EXOC4: variants seen among roughly 807,000 people sequenced by gnomAD.
EXOC4 encodes SEC8-like 1.
A neutral mutation model predicts 107.2 loss-of-function variants in EXOC4; 71 were observed. The observed-to-expected ratio is 0.66, with a 90% confidence interval of 0.55 to 0.81. The LOEUF is 0.81. Ranked by LOEUF, EXOC4 falls within the 30% of genes least tolerant of loss-of-function variation. The pLI, the probability that EXOC4 is intolerant of heterozygous loss-of-function variation, is 0.00. For missense variants in EXOC4, 1,108 were observed against 1,189.6 expected (o/e 0.93, Z 1.01); for synonymous variants, 456 against 441.2 (o/e 1.03, Z -0.42).
At chr7:133,914,659 C>T (rs1050604199) in intron 12 of EXOC4, among the ~76,000 whole-genome samples, 1 of 151,942 alleles carries the variant, frequency 6.6e-6, no homozygotes, top group African/African-American at 2.4e-5. Flanking sequence ...AAAAAAATTA[C>T]AAACCTATTT....
chr7:134,027,793 C>T (rs750025668), intron 17 of EXOC4, among the ~76,000 whole-genome samples: 5 of 152,194 alleles, frequency 3.3e-5, no homozygotes, highest in South Asian at 2.1e-4. Flanking sequence ...ATCACTAGAT[C>T]GTACTGTCAG....
chr7:133,826,385 G>C (rs898245291), intron 11 of EXOC4, among the ~76,000 whole-genome samples: 1 of 152,100 alleles, frequency 6.6e-6, no homozygotes, highest in African/African-American at 2.4e-5. Flanking sequence ...TGGTGAGGTG[G>C]GAAATGCATA....
At chr7:133,279,552 T>G (rs887837662) in intron 2 of EXOC4, among the ~76,000 whole-genome samples, 4 of 152,200 alleles carry the variant, frequency 2.6e-5, no homozygotes, top group African/African-American at 9.6e-5. Context: ...AGGGTCTCTC[T>G]CCATCACCCG....
chr7:133,807,655 A>T (rs1797111069), intron 10 of EXOC4, among the ~76,000 whole-genome samples: 1 of 152,252 alleles, frequency 6.6e-6, no homozygotes, highest in African/African-American at 2.4e-5. Context: ...GGATAAAACC[A>T]GAATTCCAGA....
At chr7:133,931,504 T>C (rs1039319025) in intron 13 of EXOC4, among the ~76,000 whole-genome samples, 2 of 152,276 alleles carry the variant, frequency 1.3e-5, no homozygotes, top group Non-Finnish European at 2.9e-5. Context: ...ATTTAAAATA[T>C]AGAATATATT....
At chr7:133,296,911 G>A (rs1293397202) in intron 3 of EXOC4, among the ~76,000 whole-genome samples, 1 of 152,108 alleles carries the variant, frequency 6.6e-6, no homozygotes, top group East Asian at 1.9e-4. Flanking sequence ...GTCTCTAGGG[G>A]TGGGCCACTG....
intron 5 of EXOC4, among the ~76,000 whole-genome samples, chr7:133,336,556 G>T (rs1795518071): frequency 1.3e-5 from 2 of 151,964 alleles, no homozygotes; most frequent in Non-Finnish European, 2.9e-5. Flanking sequence ...AATGTTATCA[G>T]TGTTGTTTAA....
chr7:133,597,578 C>CCAAAAAAAAACCCA (rs1554476919), intron 9 of EXOC4, among the ~76,000 whole-genome samples: 10 of 128,494 alleles, frequency 7.8e-5, no homozygotes, highest in African/African-American at 2.8e-4. Flanking sequence ...AAAAAAAACC[C>CCAAAAAAAAACCCA]AAAAAAAAAA....
At chr7:134,098,931 C>G in the EXOC4 span, among the ~76,000 whole-genome samples, 4 of 152,016 alleles carry the variant, frequency 2.6e-5, no homozygotes, top group Non-Finnish European at 4.4e-5. Flanking sequence ...CAGAGGCATT[C>G]AAGGAGGGAT....
intron 17 of EXOC4, among the ~76,000 whole-genome samples, chr7:134,018,128 C>T (rs1794951788): frequency 6.6e-6 from 1 of 152,166 alleles, no homozygotes; most frequent in African/African-American, 2.4e-5. Context: ...CCCAGGGAGG[C>T]TATTTTTCTG....
chr7:133,656,684 A>G (rs1803308018), intron 10 of EXOC4, among the ~76,000 whole-genome samples: 1 of 152,180 alleles, frequency 6.6e-6, no homozygotes, highest in African/African-American at 2.4e-5. Flanking sequence ...AGCAGAAAAT[A>G]TTTCCAGAAA....
At chr7:133,928,142 G>A (rs1800093043) in intron 13 of EXOC4, among the ~76,000 whole-genome samples, 1 of 151,964 alleles carries the variant, frequency 6.6e-6, no homozygotes, top group East Asian at 1.9e-4. Flanking sequence ...CCATTAAGGT[G>A]GACATTTAAT....
At chr7:133,690,572 A>G (rs1170256368) in intron 10 of EXOC4, among the ~76,000 whole-genome samples, 2 of 152,178 alleles carry the variant, frequency 1.3e-5, no homozygotes, top group Non-Finnish European at 1.5e-5. Flanking sequence ...GCTTCATCTC[A>G]ACAGATTTGT....
intron 13 of EXOC4, among the ~76,000 whole-genome samples, chr7:133,934,535 CG>C (rs1195748992): frequency 2.0e-5 from 3 of 152,158 alleles, no homozygotes; most frequent in African/African-American, 7.2e-5. Context: ...TGGCAGCACA[CG>C]GCAGACATGC....
chr7:133,260,320 C>T (rs1205941150), intron 1 of EXOC4, among the ~76,000 whole-genome samples: 1 of 150,768 alleles, frequency 6.6e-6, no homozygotes, highest in Non-Finnish European at 1.5e-5. Context: ...GTCGCCCATG[C>T]TGGAGTGCAA....
intron 7 of EXOC4, among the ~76,000 whole-genome samples, chr7:133,378,402 G>T (rs1262688980): frequency 6.6e-6 from 1 of 150,806 alleles, no homozygotes; most frequent in African/African-American, 2.4e-5. Flanking sequence ...GGCCAGAAAT[G>T]GTGAATATGT....
At chr7:133,883,467 T>TC (rs1304662611) in intron 11 of EXOC4, among the ~76,000 whole-genome samples, 2 of 144,398 alleles carry the variant, frequency 1.4e-5, no homozygotes, top group Non-Finnish European at 3.0e-5. Context: ...ATAGCAAGAC[T>TC]CCATCTCTAC....
chr7:133,917,620 G>T lies in EXOC4; in HGVS notation c.1909G>T (p.Ala637Ser). 1 of 1,613,998 alleles carries T rather than the reference G, an allele frequency of 6.2e-7. No individual in the cohort carries two copies. Among genetic ancestry groups the T allele is most frequent in the South Asian group, 1.1e-5 (1 of 91,066 alleles). Reference protein sequence around the residue: ...VQSEEKLVISASWAKDDDISR... With the variant: ...VQSEEKLVISSSWAKDDDISR... ...GTCAGAAGAAAAACTTGTCATCAGT[G>T]CATCCTGGGCAAAAGATGATGATAT... Residue 637 changes from alanine to serine, a missense_variant, in exon 13 of 18, where the codon GCA becomes TCA. By Grantham distance (99) the Ala-to-Ser change is moderately conservative (BLOSUM62 1). Coordinates refer to ENST00000253861, the MANE Select transcript of EXOC4 (RefSeq NM_021807.4).
intron 9 of EXOC4, among the ~76,000 whole-genome samples, chr7:133,539,478 G>A (rs911899857): frequency 6.6e-6 from 1 of 151,638 alleles, no homozygotes; most frequent in African/African-American, 2.4e-5. Context: ...ACTTCCTTTG[G>A]CAAGACTGAT....
Sources: gnomAD v4.1 joint callset for allele counts (sites outside exome capture counted in the v4.1 genomes callset) on GRCh38, gnomAD v4.1.1 for gene constraint, MANE v1.5 for transcripts, NCBI Gene and HGNC (gene_info 2026-07-23, HGNC 2026-07-21) for gene names.